The following GDPD4 variants were observed in gnomAD, a reference collection of about 807,000 sequenced individuals.
GDPD4 encodes the protein glycerophosphodiester phosphodiesterase domain containing 4.
In GDPD4, 60 loss-of-function variants were observed where a neutral mutation model predicts 67.8. That is an observed-to-expected ratio of 0.88 (90% CI 0.72 to 1.10). The LOEUF (loss-of-function observed/expected upper bound fraction) is 1.10. Ranked by LOEUF, GDPD4 falls within the 50% of genes least tolerant of loss-of-function variation. GDPD4 has a pLI of 0.00. For missense variants in GDPD4, 623 were observed against 613.9 expected (o/e 1.01, Z -0.16); for synonymous variants, 212 against 210.9 (o/e 1.00, Z -0.04).
chr11:77,274,895 G>A (rs1053425217), intron 5 of GDPD4, among the ~76,000 whole-genome samples: 1 of 152,066 alleles, frequency 6.6e-6, no homozygotes, highest in Non-Finnish European at 1.5e-5. Context: ...GGAAAGGGTG[G>A]GTCAGAGTGG....
At chr11:77,235,922 C>A (rs1474156264) in intron 13 of GDPD4, among the ~76,000 whole-genome samples, 1 of 151,590 alleles carries the variant, frequency 6.6e-6, no homozygotes, top group Non-Finnish European at 1.5e-5. Flanking sequence ...CATCACTGCA[C>A]CCCAGGCTGG....
intron 1 of GDPD4, among the ~76,000 whole-genome samples, chr11:77,298,229 A>C (rs1036922579): frequency 2.0e-5 from 3 of 152,188 alleles, no homozygotes; most frequent in African/African-American, 7.2e-5. Flanking sequence ...AAGTATAATC[A>C]GGCCAGGCGC....
chr11:77,273,561 G>A (rs548378078), intron 5 of GDPD4, among the ~76,000 whole-genome samples: 4 of 152,304 alleles, frequency 2.6e-5, no homozygotes, highest in South Asian at 2.1e-4. Flanking sequence ...AATTCTAAGG[G>A]TGCTAGACAA....
intron 12 of GDPD4, among the ~76,000 whole-genome samples, chr11:77,244,129 C>T (rs1958732439): frequency 6.6e-6 from 1 of 152,332 alleles, no homozygotes; most frequent in South Asian, 2.1e-4. Flanking sequence ...CATTCTCCTG[C>T]CTCAGCCTCC....
intron 9 of GDPD4, 143 bp from the exon 10 acceptor site, chr11:77,268,682 C>A: frequency 1.3e-6 from 1 of 755,120 alleles, no homozygotes; most frequent in East Asian, 2.5e-5. Context: ...GTATACCCTC[C>A]GTCCAAGCTG....
At chr11:77,234,025 A>G (rs1440410431) in intron 13 of GDPD4, among the ~76,000 whole-genome samples, 1 of 152,196 alleles carries the variant, frequency 6.6e-6, no homozygotes, top group Admixed American at 6.5e-5. Flanking sequence ...TCAATTTCTC[A>G]GAAAACATAC....
At chr11:77,244,285 G>A (rs372600739) in intron 12 of GDPD4, among the ~76,000 whole-genome samples, 4 of 152,132 alleles carry the variant, frequency 2.6e-5, no homozygotes, top group East Asian at 1.9e-4. Context: ...CGCCCGCCTC[G>A]GCCTCCCAAG....
intron 16 of GDPD4, among the ~76,000 whole-genome samples, chr11:77,227,557 T>G (rs1958367563): frequency 6.6e-6 from 1 of 152,200 alleles, no homozygotes; most frequent in African/African-American, 2.4e-5. Flanking sequence ...CCTCTCTAAG[T>G]GCCTTGCACA....
rs1385547577 is a variant in GDPD4, at chr11:77,271,103, G to A, written c.400+27C>T. The A allele has an allele frequency of 2.0e-6, 3 of 1,491,132 alleles. No individual in the cohort carries two copies. In the African/African-American group the frequency reaches 4.2e-5, roughly 21 times the overall value. 92.4% of individuals were successfully genotyped at this position (1,491,132 alleles called of 1,614,324 possible). ...AGCTAAAGCCAGAGCTGAAGAAATA[G>A]GCAGGGTTCTGCCCTATGTGACATA... is the stretch of plus-strand genomic sequence containing the variant. On this transcript the variant is annotated intron_variant, in intron 7 of 16. Coordinates refer to ENST00000315938, the MANE Select transcript of GDPD4 (RefSeq NM_182833.3).
intron 16 of GDPD4, among the ~76,000 whole-genome samples, chr11:77,218,269 A>G (rs959924899): frequency 2.0e-5 from 3 of 152,172 alleles, no homozygotes; most frequent in Admixed American, 6.5e-5. Context: ...TTAGTGATCA[A>G]TCATATGCCT....
At chr11:77,255,275 C>CA (rs1303616351) in intron 11 of GDPD4, among the ~76,000 whole-genome samples, 1 of 152,048 alleles carries the variant, frequency 6.6e-6, no homozygotes, top group Non-Finnish European at 1.5e-5. Flanking sequence ...TGTTTGAAAA[C>CA]CAAAAATAAG....
At chr11:77,279,503 G>C (rs1484079339) in intron 3 of GDPD4, 104 bp from the exon 4 acceptor site, 4 of 654,688 alleles carry the variant, frequency 6.1e-6, no homozygotes, top group Admixed American at 2.6e-5. Flanking sequence ...AGCAAATGTA[G>C]GGAGATAAAA....
At chr11:77,222,731 G>T (rs1281589240) in intron 16 of GDPD4, among the ~76,000 whole-genome samples, 2 of 152,204 alleles carry the variant, frequency 1.3e-5, no homozygotes, top group East Asian at 3.8e-4. Context: ...TTCTTGAGGA[G>T]TACCTTTGTG....
chr11:77,280,795 C>G (rs989383793), intron 3 of GDPD4, among the ~76,000 whole-genome samples: 6 of 152,114 alleles, frequency 3.9e-5, no homozygotes, highest in African/African-American at 7.2e-5. Context: ...TCTTCCCATC[C>G]GGGTAAGTAA....
chr11:77,298,449 T>G (rs1410087952), intron 1 of GDPD4, among the ~76,000 whole-genome samples: 1 of 152,166 alleles, frequency 6.6e-6, no homozygotes, highest in South Asian at 2.1e-4. Context: ...GAGGCGGAGA[T>G]TGCAGTGAGC....
chr11:77,235,009 G>GTTTTTTTT lies in GDPD4; in HGVS notation c.1242-1845_1242-1838dup, dbSNP rs57989259. On this transcript the variant is annotated intron_variant, in intron 13 of 16. Coordinates refer to ENST00000315938, the MANE Select transcript of GDPD4 (RefSeq NM_182833.3). ...TCTCTCTGCAACCTTGTCAATATCTGTTTTTTTTTTTTTTTTTTTTTTTTT... is the reference window on the plus strand; with the variant it reads ...TCTCTCTGCAACCTTGTCAATATCTGTTTTTTTTTTTTTTTTTTTTTTTTTTTTTTTTT... Among the ~76,000 whole-genome samples, 77 of 52,260 alleles carry GTTTTTTTT rather than the reference G, an allele frequency of 1.5e-3. 2 individuals carry two copies. The highest frequency in any genetic ancestry group is 2.6e-3 in the African/African-American group (42 of 15,850). 34.3% of individuals were successfully genotyped at this position (52,260 alleles called of 152,430 possible).
At chr11:77,241,666 C>T (rs1958668418) in intron 13 of GDPD4, among the ~76,000 whole-genome samples, 1 of 119,166 alleles carries the variant, frequency 8.4e-6, no homozygotes, top group Non-Finnish European at 1.8e-5. Flanking sequence ...AAAAAAAGGC[C>T]TGGCACAGTG....
chr11:77,267,379 A>T (rs1393207048), intron 10 of GDPD4, among the ~76,000 whole-genome samples: 1 of 152,220 alleles, frequency 6.6e-6, no homozygotes, highest in Non-Finnish European at 1.5e-5. Context: ...TTAGTTTTTT[A>T]AGTAACTGCC....
intron 3 of GDPD4, among the ~76,000 whole-genome samples, chr11:77,282,734 G>T: frequency 6.6e-6 from 1 of 151,864 alleles, no homozygotes; most frequent in Admixed American, 6.6e-5. Flanking sequence ...GAACTGATAG[G>T]ACAGTAGCAT....
Sources: allele counts gnomAD v4.1 joint callset (sites outside exome capture counted in the v4.1 genomes callset), GRCh38; gene constraint gnomAD v4.1.1; transcripts MANE v1.5; gene names NCBI Gene and HGNC (gene_info 2026-07-23, HGNC 2026-07-21).